Variants in SP4 observed in about 807,000 individuals in gnomAD.
SP4 encodes transcription factor Sp4.
In SP4, 19 loss-of-function variants were observed where a neutral mutation model predicts 72.8. The ratio of observed to expected loss-of-function variants is 0.26; its 90% CI spans 0.18 to 0.38. SP4 has a LOEUF of 0.38. Ranked by LOEUF, SP4 falls within the 10% of genes least tolerant of loss-of-function variation. The pLI is 1.00. For missense variants in SP4, 1,008 were observed against 926.3 expected, an observed-to-expected ratio of 1.09 and a Z score of -1.14; for synonymous variants, 395 against 333.1, an observed-to-expected ratio of 1.19 and a Z score of -2.02.
intron 3 of SP4, among the ~76,000 whole-genome samples, chr7:21,433,790 A>T (rs568937669): frequency 6.6e-6 from 1 of 152,254 alleles, no homozygotes; most frequent in South Asian, 2.1e-4. Flanking sequence ...AAAATACAGA[A>T]TTAGCTGGGC....
intron 3 of SP4, among the ~76,000 whole-genome samples, chr7:21,434,760 C>T (rs919304263): frequency 2.6e-5 from 4 of 152,230 alleles, no homozygotes; most frequent in South Asian, 2.1e-4. Context: ...TCACCCTGCC[C>T]TCCACCTTTT....
At chr7:21,431,706 C>G (rs566758261) in intron 3 of SP4, among the ~76,000 whole-genome samples, 1 of 152,234 alleles carries the variant, frequency 6.6e-6, no homozygotes, top group East Asian at 1.9e-4. Context: ...TCTTATTGTA[C>G]CTAATAACTT....
Position 21,479,786 on chromosome 7 carries a change from A to G in SP4, c.1908-2138A>G, listed in dbSNP as rs138655241. Among the ~76,000 whole-genome samples, 8 of 152,308 alleles carry G rather than the reference A, an allele frequency of 5.3e-5. No homozygotes were observed. The East Asian group carries it at 1.5e-3, about 29-fold the overall frequency. ...CATGGGAAGTATTTCTGGTTGTTTA[A>G]TCTTTAACTTCTTTCATCAATGTTT... On this transcript the variant is annotated intron_variant, in intron 4 of 5. Transcript: ENST00000222584.
intron 5 of SP4, among the ~76,000 whole-genome samples, chr7:21,483,019 G>A (rs995257919): frequency 1.3e-5 from 2 of 152,046 alleles, no homozygotes; most frequent in African/African-American, 4.8e-5. Flanking sequence ...TGTATGTTTG[G>A]TTTTGCTAGG....
intron 5 of SP4, among the ~76,000 whole-genome samples, chr7:21,500,984 A>G (rs1250319578): frequency 6.6e-6 from 1 of 152,182 alleles, no homozygotes; most frequent in East Asian, 1.9e-4. Flanking sequence ...GATGGGGCGT[A>G]TGGTAGGCAG....
At chr7:21,509,230 G>T (rs758160963) in intron 5 of SP4, among the ~76,000 whole-genome samples, 47 of 152,164 alleles carry the variant, frequency 3.1e-4, no homozygotes, top group African/African-American at 1.1e-3. Context: ...GCAGGTAAAA[G>T]AAATAAATTT....
At chr7:21,447,909 C>A (rs1216662034) in intron 3 of SP4, among the ~76,000 whole-genome samples, 2 of 152,166 alleles carry the variant, frequency 1.3e-5, no homozygotes, top group South Asian at 4.1e-4. Flanking sequence ...GGCTTGAATT[C>A]CTGACCTCAA....
In SP4 at chr7:21,428,118, A is replaced by C. The variant is rs1351469013; in HGVS notation, c.-134A>C. ...GGCGGCCATTCGCGGAAAAAGAGGCAGAGCCTGTGCCAGCTACAGCCTCCT... is the reference window on the plus strand; with the variant it reads ...GGCGGCCATTCGCGGAAAAAGAGGCCGAGCCTGTGCCAGCTACAGCCTCCT... On this transcript the variant is annotated 5_prime_UTR_variant, in exon 1 of 6. Coordinates refer to ENST00000222584, the MANE Select transcript of SP4 (RefSeq NM_003112.5). 9 of 704,386 alleles carry C rather than the reference A, an allele frequency of 1.3e-5. No homozygotes were observed. The highest frequency in any genetic ancestry group is 2.1e-5 in the Non-Finnish European group (8 of 378,280). The allele number at this position is 704,386 out of a possible 1,614,324, so 43.6% of individuals were successfully genotyped here.
chr7:21,472,432 A>G (rs1784374189), intron 3 of SP4, among the ~76,000 whole-genome samples: 1 of 152,026 alleles, frequency 6.6e-6, no homozygotes, highest in South Asian at 2.1e-4. Flanking sequence ...AGCCAGGACT[A>G]CAGGCACATG....
At chr7:21,445,559 A>G (rs184235692) in intron 3 of SP4, among the ~76,000 whole-genome samples, 201 of 152,230 alleles carry the variant, frequency 1.3e-3, no homozygotes, top group African/African-American at 4.7e-3. Flanking sequence ...CAAAACAGAC[A>G]TGTTCTTTAT....
At chr7:21,433,958 GA>G (rs909643894) in intron 3 of SP4, among the ~76,000 whole-genome samples, 5 of 151,536 alleles carry the variant, frequency 3.3e-5, no homozygotes, top group African/African-American at 9.7e-5. Context: ...AAAAAAGAAA[GA>G]AAAAAAAGAC....
At chr7:21,479,651 C>G (rs1784619427) in intron 4 of SP4, among the ~76,000 whole-genome samples, 1 of 152,158 alleles carries the variant, frequency 6.6e-6, no homozygotes, top group Non-Finnish European at 1.5e-5. Flanking sequence ...ATCAGTTTGT[C>G]AGTTTCTATA....
intron 3 of SP4, among the ~76,000 whole-genome samples, chr7:21,456,048 G>T (rs146454098): frequency 6.6e-6 from 1 of 152,266 alleles, no homozygotes; most frequent in African/African-American, 2.4e-5. Context: ...GAAGCTAGAG[G>T]AATACTCATG....
intron 3 of SP4, among the ~76,000 whole-genome samples, chr7:21,452,761 A>G (rs1021495701): frequency 4.6e-5 from 7 of 152,072 alleles, no homozygotes; most frequent in African/African-American, 1.7e-4. Flanking sequence ...AATTTTGTTT[A>G]TAGGAGTATA....
chr7:21,437,059 T>C (rs1047268359), intron 3 of SP4, among the ~76,000 whole-genome samples: 5 of 152,294 alleles, frequency 3.3e-5, no homozygotes, highest in African/African-American at 7.2e-5. Flanking sequence ...AACTTTCAGA[T>C]TCAGTTTCAG....
chr7:21,503,773 G>A (rs527290912), intron 5 of SP4, among the ~76,000 whole-genome samples: 2 of 152,250 alleles, frequency 1.3e-5, no homozygotes, highest in South Asian at 2.1e-4. Flanking sequence ...GTCTTACTCC[G>A]GAGGTCTTCC....
At chr7:21,495,420 T>G (rs1339883289) in intron 5 of SP4, among the ~76,000 whole-genome samples, 1 of 151,592 alleles carries the variant, frequency 6.6e-6, no homozygotes, top group African/African-American at 2.4e-5. Flanking sequence ...GTTTTTTTTT[T>G]TTAAATGAGC....
chr7:21,511,328 T>C lies in SP4; in HGVS notation c.*59T>C. 1 of 1,527,798 alleles carries C rather than the reference T, an allele frequency of 6.5e-7. No individual in the cohort carries two copies. Among genetic ancestry groups the C allele is most frequent in the Non-Finnish European group, 8.9e-7 (1 of 1,121,028 alleles). 94.6% of individuals were successfully genotyped at this position (1,527,798 alleles called of 1,614,324 possible). On this transcript the variant is annotated 3_prime_UTR_variant, in exon 6 of 6. Transcript: ENST00000222584. ...ACTTGTTTACACACCTTTGAAAATC[T>C]GGAAATGGGCTGGTCAAGTGGATTA...
At chr7:21,476,790 T>C (rs1784513476) in intron 3 of SP4, among the ~76,000 whole-genome samples, 1 of 152,200 alleles carries the variant, frequency 6.6e-6, no homozygotes, top group Non-Finnish European at 1.5e-5. Flanking sequence ...AGTAGGTAAG[T>C]GGCAAGTATT....
Sources: allele counts gnomAD v4.1 joint callset (sites outside exome capture counted in the v4.1 genomes callset), GRCh38; gene constraint gnomAD v4.1.1; transcripts MANE v1.5; gene names NCBI Gene and HGNC (gene_info 2026-07-23, HGNC 2026-07-21).